Variants in LNX1 observed in about 807,000 individuals in gnomAD.
The protein encoded by LNX1 is E3 ubiquitin-protein ligase LNX.
Under a neutral mutation model 68.4 loss-of-function variants are expected in LNX1, and 54 were observed. The ratio of observed to expected loss-of-function variants is 0.79; its 90% CI spans 0.63 to 0.99. The LOEUF is 0.99. LNX1 is among the 50% of genes least tolerant of loss of function. The pLI, the probability that LNX1 is intolerant of heterozygous loss-of-function variation, is 0.00. For synonymous variants in LNX1, 336 were observed against 350.0 expected (o/e 0.96, Z 0.45); for missense variants, 906 against 926.4 (o/e 0.98, Z 0.29).
rs534468322 is a variant in LNX1 at position 53,567,935 on chromosome 4, G to T, written c.380+5688C>A. Among the ~76,000 whole-genome samples the T allele has an allele frequency of 4.7e-3, 712 of 152,072 alleles. 4 individuals carry two copies. The highest frequency in any genetic ancestry group is 0.016 in the African/African-American group (675 of 41,392). ...TTCCTTGACACATACACTCTCCCAA[G>T]ACTAAACCAGGAAGAAGTTGAATCT... On this transcript the variant is annotated intron_variant, in intron 2 of 10. Coordinates refer to ENST00000263925, the MANE Select transcript of LNX1 (RefSeq NM_001126328.3).
At chr4:53,632,170 G>T (rs1327912753) in intron 1 of LNX1, among the ~76,000 whole-genome samples, 1 of 152,172 alleles carries the variant, frequency 6.6e-6, no homozygotes, top group Non-Finnish European at 1.5e-5. Flanking sequence ...ACTGCCTGAG[G>T]CTGGCCGCTG....
chr4:53,575,892 AG>A, intron 1 of LNX1: 1 of 1,576,556 alleles, frequency 6.3e-7, no homozygotes. Context: ...GCAGCCTGCA[AG>A]GGGAGGACTG....
intron 2 of LNX1, among the ~76,000 whole-genome samples, chr4:53,526,029 T>C (rs1727585904): frequency 6.6e-6 from 1 of 152,242 alleles, no homozygotes; most frequent in African/African-American, 2.4e-5. Flanking sequence ...ACATTCAATT[T>C]TTTAAAATGC....
chr4:53,516,620 G>T (rs1306062363), intron 2 of LNX1, among the ~76,000 whole-genome samples: 1 of 152,216 alleles, frequency 6.6e-6, no homozygotes, highest in Admixed American at 6.5e-5. Context: ...GGATGCAGGT[G>T]CATGGCAGGT....
chr4:53,616,993 G>T (rs965841465), intron 1 of LNX1, among the ~76,000 whole-genome samples: 2 of 152,264 alleles, frequency 1.3e-5, no homozygotes, highest in Non-Finnish European at 2.9e-5. Context: ...AATATCATTT[G>T]TACTTCTCAT....
intron 4 of LNX1, among the ~76,000 whole-genome samples, chr4:53,503,068 T>C (rs1725621837): frequency 6.6e-6 from 1 of 152,130 alleles, no homozygotes; most frequent in Non-Finnish European, 1.5e-5. Context: ...AATTTGGTCA[T>C]ATCTTTAAGC....
chr4:53,599,330 C>T (rs769060518), intron 2 of LNX1, among the ~76,000 whole-genome samples: 2 of 152,170 alleles, frequency 1.3e-5, no homozygotes, highest in African/African-American at 2.4e-5. Flanking sequence ...AACCTCTGGT[C>T]GTCCTCACTG....
At chr4:53,493,799 T>C (rs1579405377) in intron 6 of LNX1, among the ~76,000 whole-genome samples, 1 of 152,228 alleles carries the variant, frequency 6.6e-6, no homozygotes, top group Non-Finnish European at 1.5e-5. Context: ...TGCTGGATAA[T>C]TGAGAATGCT....
At chr4:53,465,575 A>G (rs1722618460) in intron 9 of LNX1, among the ~76,000 whole-genome samples, 1 of 152,232 alleles carries the variant, frequency 6.6e-6, no homozygotes, top group African/African-American at 2.4e-5. Flanking sequence ...CACCAGCATA[A>G]CATACCCCTA....
chr4:53,493,219 G>A (rs754369262), intron 6 of LNX1, among the ~76,000 whole-genome samples: 3 of 151,914 alleles, frequency 2.0e-5, no homozygotes, highest in Admixed American at 1.3e-4. Flanking sequence ...TGCCTGCCTC[G>A]GCCTCCCAAA....
At chr4:53,516,171 G>T (rs552584713) in intron 2 of LNX1, among the ~76,000 whole-genome samples, 48 of 152,242 alleles carry the variant, frequency 3.2e-4, no homozygotes, top group African/African-American at 1.1e-3. Flanking sequence ...GAGCCCAGAA[G>T]TTCAAGCCTG....
intron 9 of LNX1, among the ~76,000 whole-genome samples, chr4:53,474,912 G>A (rs750126718): frequency 4.6e-5 from 7 of 152,072 alleles, no homozygotes; most frequent in East Asian, 1.9e-4. Context: ...GACTACAGGC[G>A]TGTGCCACCA....
In LNX1 at chr4:53,630,174, C is replaced by A. The variant is rs568451970; in HGVS notation, c.-215+21994G>T. On this transcript the variant is annotated intron_variant, in intron 1 of 2. Coordinates refer to the LNX1 transcript ENST00000507168. ...CTAGAGAGTATTCCAGGAGCTCCTG[C>A]TTAAAACAGGGACTTTCAAATTAAC... Among the ~76,000 whole-genome samples the A allele has an allele frequency of 2.0e-5, 3 of 152,028 alleles. No individual in the cohort carries two copies. The South Asian group carries it at 6.2e-4, about 32-fold the overall frequency.
chr4:53,609,397 C>CATA (rs1286049446), intron 2 of LNX1, among the ~76,000 whole-genome samples: 1 of 151,004 alleles, frequency 6.6e-6, no homozygotes, highest in Non-Finnish European at 1.5e-5. Flanking sequence ...TGTTTTAACC[C>CATA]ATAAACCATT....
chr4:53,641,248 C>G (rs1410583509), intron 1 of LNX1, among the ~76,000 whole-genome samples: 1 of 152,190 alleles, frequency 6.6e-6, no homozygotes, highest in Non-Finnish European at 1.5e-5. Flanking sequence ...GGAGGGATTT[C>G]TAGCTATGCA....
chr4:53,612,016 G>T (rs532622928), intron 2 of LNX1, among the ~76,000 whole-genome samples: 2 of 152,260 alleles, frequency 1.3e-5, no homozygotes, highest in Admixed American at 6.5e-5. Context: ...AATATGCAAA[G>T]ATTTGTTATG....
At chr4:53,603,746 A>G (rs769500190) in intron 2 of LNX1, 2 of 152,114 alleles carry the variant, frequency 1.3e-5, no homozygotes, top group Non-Finnish European at 2.9e-5. Flanking sequence ...TTCATGAGAA[A>G]TCTGCCCCCA....
At chr4:53,599,748 A>G (rs1394653631) in intron 2 of LNX1, among the ~76,000 whole-genome samples, 1 of 152,184 alleles carries the variant, frequency 6.6e-6, no homozygotes, top group Non-Finnish European at 1.5e-5. Context: ...GCTCATGGGA[A>G]CCAAGACTGA....
At chr4:53,485,849 CTTGT>C (rs938860697) in intron 6 of LNX1, among the ~76,000 whole-genome samples, 3 of 152,134 alleles carry the variant, frequency 2.0e-5, no homozygotes, top group African/African-American at 7.2e-5. Flanking sequence ...ATGGCAGAAA[CTTGT>C]TTATTTCACA....
Sources: allele counts gnomAD v4.1 joint callset (sites outside exome capture counted in the v4.1 genomes callset), GRCh38; gene constraint gnomAD v4.1.1; transcripts MANE v1.5; gene names NCBI Gene and HGNC (gene_info 2026-07-23, HGNC 2026-07-21).